CUL1: variants seen among roughly 807,000 people sequenced by gnomAD.
CUL1 encodes cullin-1.
CUL1 carries 24 observed loss-of-function variants against 118.0 expected under a neutral mutation model. The observed-to-expected ratio is 0.20, with a 90% CI of 0.15 to 0.29. CUL1 has a LOEUF of 0.29. CUL1 is among the 10% of genes least tolerant of loss of function. The pLI, the probability that CUL1 is intolerant of heterozygous loss-of-function variation, is 1.00. For synonymous variants in CUL1, 332 were observed against 340.4 expected (o/e 0.98, Z 0.27); for missense variants, 361 against 933.8 (o/e 0.39, Z 7.99).
chr7:148,714,253 A>G (rs1442062328), intron 1 of CUL1, among the ~76,000 whole-genome samples: 2 of 152,260 alleles, frequency 1.3e-5, no homozygotes, highest in Admixed American at 6.5e-5. Context: ...TCATGAAATG[A>G]TTAAATCAAG....
chr7:148,738,736 TA>T (rs748122382), intron 2 of CUL1, among the ~76,000 whole-genome samples: 4 of 152,262 alleles, frequency 2.6e-5, no homozygotes, highest in Non-Finnish European at 5.9e-5. Flanking sequence ...TTTAATTTTT[TA>T]TCTCTGATGT....
chr7:148,766,825 G>A (rs1800021706), intron 8 of CUL1, 102 bp downstream of exon 8: 1 of 1,009,304 alleles, frequency 9.9e-7, no homozygotes, highest in Non-Finnish European at 1.4e-6. Flanking sequence ...ACTTGCCCAT[G>A]TCAGTTTTAA....
At chr7:148,747,600 A>G (rs1427784964) in intron 2 of CUL1, among the ~76,000 whole-genome samples, 2 of 152,202 alleles carry the variant, frequency 1.3e-5, no homozygotes, top group Non-Finnish European at 2.9e-5. Context: ...GAACTGAAAA[A>G]AATAATAATC....
chr7:148,769,397 T>TCTCACACACACACA (rs1491139381), intron 9 of CUL1, among the ~76,000 whole-genome samples: 2 of 129,042 alleles, frequency 1.5e-5, no homozygotes, highest in South Asian at 2.8e-4. Context: ...AGGGCCTGAT[T>TCTCACACACACACA]CACACACACA....
chr7:148,750,391 C>T (rs1315329665), intron 2 of CUL1, among the ~76,000 whole-genome samples: 1 of 150,950 alleles, frequency 6.6e-6, no homozygotes, highest in African/African-American at 2.4e-5. Context: ...TGTTGGTTTG[C>T]TGCACCCATT....
chr7:148,737,189 AT>A (rs750567676), intron 2 of CUL1, among the ~76,000 whole-genome samples: 444 of 142,760 alleles, frequency 3.1e-3, no homozygotes, highest in Non-Finnish European at 2.8e-3. Context: ...GTCACAAGTG[AT>A]TTTTTTTTTT....
chr7:148,744,287 G>GT lies in CUL1; in HGVS notation c.141-9682dup, dbSNP rs755538501. The stretch of plus-strand genomic sequence containing the variant: ...AGATTAATTTTAGGCCTACCATTTT[G>GT]TTTTTTTCTCCCCTTAAAAAGTTTC... On this transcript the variant is annotated intron_variant, in intron 2 of 21. Transcript: ENST00000325222. Among the ~76,000 whole-genome samples the GT allele has an allele frequency of 3.3e-5, 5 of 151,702 alleles. No homozygotes were observed. The South Asian group carries it at 6.3e-4, about 19-fold the overall frequency.
At chr7:148,721,814 TC>T (rs762994624) in intron 1 of CUL1, among the ~76,000 whole-genome samples, 22 of 152,220 alleles carry the variant, frequency 1.4e-4, no homozygotes, top group Non-Finnish European at 2.4e-4. Flanking sequence ...TGTGTGACTG[TC>T]CTACTGCTTA....
At chr7:148,762,532 A>T (rs1476629338) in intron 7 of CUL1, among the ~76,000 whole-genome samples, 1 of 152,216 alleles carries the variant, frequency 6.6e-6, no homozygotes, top group African/African-American at 2.4e-5. Flanking sequence ...CTAACAAATG[A>T]ACTTTTGAAA....
intron 9 of CUL1, among the ~76,000 whole-genome samples, chr7:148,777,388 C>A (rs765040061): frequency 6.6e-6 from 1 of 152,218 alleles, no homozygotes; most frequent in African/African-American, 2.4e-5. Context: ...TGGTGGCTCA[C>A]ACCTGTAATC....
At chr7:148,710,122 G>A (rs1428683640) in intron 1 of CUL1, among the ~76,000 whole-genome samples, 7 of 152,232 alleles carry the variant, frequency 4.6e-5, no homozygotes, top group Admixed American at 3.9e-4. Context: ...TTAAGTTATT[G>A]TTGATGCTTT....
At chr7:148,747,540 T>G (rs1799344430) in intron 2 of CUL1, among the ~76,000 whole-genome samples, 1 of 152,148 alleles carries the variant, frequency 6.6e-6, no homozygotes, top group Non-Finnish European at 1.5e-5. Flanking sequence ...AGCTGACGTT[T>G]CCATGGAAAC....
Position 148,800,403 on chromosome 7 carries a change from A to T in CUL1, c.2251-99A>T, listed in dbSNP as rs1563173463. The T allele has an allele frequency of 3.3e-6, 3 of 922,462 alleles. No individual in the cohort carries two copies. In the South Asian group the frequency reaches 4.4e-5, roughly 14 times the overall value. 57.1% of individuals were successfully genotyped at this position (922,462 alleles called of 1,614,324 possible). ...ACTGCTCCCCACTGAGCTCCGAATC[A>T]GGGGAGATTTGTGGTGGGGGCAGCC... is the stretch of plus-strand genomic sequence containing the variant. On this transcript the variant is annotated intron_variant, in intron 21 of 21. Coordinates refer to ENST00000325222, the MANE Select transcript of CUL1 (RefSeq NM_003592.3). This position sits in a 1 kb window ranked among gnomAD's most constrained non-coding sequence, Gnocchi z 4.6.
chr7:148,702,342 G>C (rs1797747453), intron 1 of CUL1, among the ~76,000 whole-genome samples: 4 of 152,166 alleles, frequency 2.6e-5, no homozygotes, highest in Admixed American at 1.3e-4. Flanking sequence ...GAGAAGACAT[G>C]GAGTCTAGTT....
intron 12 of CUL1, 115 bp downstream of exon 12, chr7:148,786,714 T>C: frequency 2.1e-6 from 2 of 959,402 alleles, no homozygotes; most frequent in Non-Finnish European, 1.6e-6. Flanking sequence ...TGATTTTATT[T>C]TGAATCTCTG....
intron 2 of CUL1, among the ~76,000 whole-genome samples, chr7:148,734,029 CA>C (rs539507792): frequency 4.9e-4 from 58 of 118,892 alleles, no homozygotes; most frequent in South Asian, 8.7e-4. Flanking sequence ...TTGGAAAAGC[CA>C]AAAAAAAAAA....
intron 2 of CUL1, among the ~76,000 whole-genome samples, chr7:148,748,855 A>G (rs1359859467): frequency 2.6e-5 from 4 of 152,218 alleles, no homozygotes; most frequent in Non-Finnish European, 5.9e-5. Flanking sequence ...TTTGAAGGTA[A>G]AATACATTTT....
chr7:148,726,437 A>C (rs550895037), intron 1 of CUL1, among the ~76,000 whole-genome samples: 27 of 152,200 alleles, frequency 1.8e-4, no homozygotes, highest in African/African-American at 6.5e-4. Context: ...GAGTAGATTT[A>C]ATACTGATAC....
chr7:148,725,400 G>T (rs1461777264), intron 1 of CUL1, among the ~76,000 whole-genome samples: 3 of 152,200 alleles, frequency 2.0e-5, no homozygotes, highest in African/African-American at 4.8e-5. Context: ...CTGCAGAGCT[G>T]CCTGGACCGG....
Sources: gnomAD v4.1 joint callset for allele counts (sites outside exome capture counted in the v4.1 genomes callset) on GRCh38, gnomAD v4.1.1 for gene constraint, Gnocchi (gnomAD v3.1) non-coding constraint, MANE v1.5 for transcripts, NCBI Gene and HGNC (gene_info 2026-07-23, HGNC 2026-07-21) for gene names.